The following DLGAP4 variants were observed in gnomAD, a reference collection of about 807,000 sequenced individuals.
The protein encoded by DLGAP4 is DLG associated protein 4, also known as disks large-associated protein 4.
Under a neutral mutation model 86.9 loss-of-function variants are expected in DLGAP4, and 18 were observed. The ratio of observed to expected loss-of-function variants is 0.21; its 90% CI spans 0.14 to 0.31. The LOEUF is 0.31. Among genes scored for constraint, DLGAP4 ranks in the 10% least tolerant of loss-of-function variants. The probability of loss-of-function intolerance (pLI) is 1.00; values close to 1 mark genes in which losing one functional copy is unlikely to be tolerated. For missense variants in DLGAP4, 1,085 were observed against 1,362.6 expected (o/e 0.80, Z 3.21); for synonymous variants, 548 against 574.3 (o/e 0.95, Z 0.65).
chr20:36,329,663 G>A (rs887180636), intron 1 of DLGAP4, among the ~76,000 whole-genome samples: 1 of 151,964 alleles, frequency 6.6e-6, no homozygotes, highest in East Asian at 1.9e-4. Flanking sequence ...TTGGGAGGCC[G>A]AGGTGTGGGG....
chr20:36,501,479 AT>A (rs2036142049), intron 10 of DLGAP4, among the ~76,000 whole-genome samples: 2 of 152,216 alleles, frequency 1.3e-5, no homozygotes, highest in South Asian at 4.1e-4. Context: ...TACCTATATC[AT>A]GCCAATTTCC....
intron 2 of DLGAP4, among the ~76,000 whole-genome samples, chr20:36,412,817 T>A (rs1456260581): frequency 6.6e-6 from 1 of 152,186 alleles, no homozygotes; most frequent in Non-Finnish European, 1.5e-5. Flanking sequence ...ACACTCATAC[T>A]GGAGCTTACA....
At chr20:36,315,481 C>G (rs1353623672) in intron 1 of DLGAP4, among the ~76,000 whole-genome samples, 2 of 151,598 alleles carry the variant, frequency 1.3e-5, no homozygotes, top group African/African-American at 2.4e-5. Flanking sequence ...CAGGAGGAAA[C>G]TGAGGCTTGG....
At chr20:36,421,250 G>A (rs1347299546) in intron 2 of DLGAP4, among the ~76,000 whole-genome samples, 1 of 152,160 alleles carries the variant, frequency 6.6e-6, no homozygotes, top group Admixed American at 6.5e-5. Context: ...GAAGTCAGGA[G>A]TTGGAGATCA....
chr20:36,521,709 C>T (rs1467154944), intron 10 of DLGAP4, among the ~76,000 whole-genome samples: 1 of 152,184 alleles, frequency 6.6e-6, no homozygotes, highest in Non-Finnish European at 1.5e-5. Context: ...GCCTGATTTT[C>T]CTCCTGCTCT....
chr20:36,468,994 T>C (rs977949831), intron 7 of DLGAP4, among the ~76,000 whole-genome samples: 4 of 152,230 alleles, frequency 2.6e-5, no homozygotes, highest in African/African-American at 4.8e-5. Flanking sequence ...TTTAGTTTGT[T>C]TTGATTTGCA....
chr20:36,490,149 C>T (rs907394393), intron 7 of DLGAP4, among the ~76,000 whole-genome samples: 2 of 152,048 alleles, frequency 1.3e-5, no homozygotes, highest in African/African-American at 2.4e-5. Flanking sequence ...TGAGCCTCCG[C>T]GCCCGGCCAG....
chr20:36,385,286 C>T (rs960645957), intron 2 of DLGAP4, among the ~76,000 whole-genome samples: 2 of 152,184 alleles, frequency 1.3e-5, no homozygotes, highest in Non-Finnish European at 2.9e-5. Flanking sequence ...AAGTCATCTA[C>T]CCTCTCTGGG....
At chr20:36,445,058 G>C (rs1376352583) in intron 6 of DLGAP4, among the ~76,000 whole-genome samples, 1 of 152,140 alleles carries the variant, frequency 6.6e-6, no homozygotes, top group Non-Finnish European at 1.5e-5. Context: ...CTGGGCTCAA[G>C]TTACTGGGAC....
At chr20:36,389,785 A>G (rs2031725475) in intron 2 of DLGAP4, among the ~76,000 whole-genome samples, 1 of 152,212 alleles carries the variant, frequency 6.6e-6, no homozygotes. Flanking sequence ...AACAAGAAGT[A>G]GCATGATTCA....
chr20:36,440,305 A>G (rs1057152769), intron 5 of DLGAP4, among the ~76,000 whole-genome samples: 3 of 152,128 alleles, frequency 2.0e-5, no homozygotes, highest in Non-Finnish European at 4.4e-5. Flanking sequence ...GAGAGGAATA[A>G]GTGGGATCGT....
intron 7 of DLGAP4, among the ~76,000 whole-genome samples, chr20:36,485,030 AAAT>A (rs2035349309): frequency 6.6e-6 from 1 of 152,222 alleles, no homozygotes; most frequent in South Asian, 2.1e-4. Flanking sequence ...TGTAATGATC[AAAT>A]AAGAGTAATT....
At chr20:36,499,315 C>T (rs2036023707) in intron 8 of DLGAP4, 6 of 1,613,684 alleles carry the variant, frequency 3.7e-6, no homozygotes, top group South Asian at 2.2e-5. Flanking sequence ...ATGGCACCCT[C>T]CTCAGAGTAG....
chr20:36,522,845 T>C (rs1288422930), intron 10 of DLGAP4, among the ~76,000 whole-genome samples: 1 of 151,994 alleles, frequency 6.6e-6, no homozygotes, highest in Non-Finnish European at 1.5e-5. Context: ...ACTGTCTTTA[T>C]GCCAGCACCT....
intron 2 of DLGAP4, among the ~76,000 whole-genome samples, chr20:36,381,824 T>C (rs933542532): frequency 1.3e-5 from 2 of 152,098 alleles, no homozygotes; most frequent in Admixed American, 1.3e-4. Flanking sequence ...TGTAGGAGGC[T>C]GATGTAGAGC....
At chr20:36,396,420 C>CCACAG in intron 2 of DLGAP4, among the ~76,000 whole-genome samples, 1 of 79,600 alleles carries the variant, frequency 1.3e-5, no homozygotes, top group South Asian at 5.5e-4. Context: ...TACACACACA[C>CCACAG]ACACCACATA....
At chr20:36,341,545 T>C (rs2065380625) in intron 1 of DLGAP4, among the ~76,000 whole-genome samples, 1 of 152,116 alleles carries the variant, frequency 6.6e-6, no homozygotes, top group Non-Finnish European at 1.5e-5. Context: ...TTGAGAGAGG[T>C]GCGGTTTCCA....
intron 10 of DLGAP4, among the ~76,000 whole-genome samples, chr20:36,519,306 T>C (rs1029455690): frequency 1.1e-4 from 16 of 152,098 alleles, no homozygotes; most frequent in African/African-American, 3.9e-4. Context: ...ATCTGTATGA[T>C]ACCCAGTCAG....
At chr20:36,503,556 T>C (rs1474033690) in intron 10 of DLGAP4, among the ~76,000 whole-genome samples, 2 of 150,306 alleles carry the variant, frequency 1.3e-5, no homozygotes, top group Non-Finnish European at 2.9e-5. Flanking sequence ...GGCGCGATCT[T>C]GGCTCACTGC....
Sources: gnomAD v4.1 joint callset for allele counts (sites outside exome capture counted in the v4.1 genomes callset) on GRCh38, gnomAD v4.1.1 for gene constraint, MANE v1.5 for transcripts, NCBI Gene and HGNC (gene_info 2026-07-23, HGNC 2026-07-21) for gene names.